GNG2: variants seen among roughly 807,000 people sequenced by gnomAD.
GNG2 encodes G protein subunit gamma 2, also known as guanine nucleotide-binding protein G(I)/G(S)/G(O) subunit gamma-2.
In GNG2, 5 loss-of-function variants were observed where a neutral mutation model predicts 5.5. The ratio of observed to expected loss-of-function variants is 0.91; its 90% CI spans 0.48 to 1.92. The LOEUF is 1.92. GNG2 is among the 30% of genes most tolerant of loss of function. The pLI, the probability that GNG2 is intolerant of heterozygous loss-of-function variation, is 0.01. For synonymous variants in GNG2, 28 were observed against 32.0 expected, an observed-to-expected ratio of 0.88 and a Z score of 0.42; for missense variants, 55 against 88.4, an observed-to-expected ratio of 0.62 and a Z score of 1.52.
intron 1 of GNG2, among the ~76,000 whole-genome samples, chr14:51,873,395 G>C (rs140612745): frequency 2.5e-4 from 38 of 152,338 alleles, no homozygotes; most frequent in East Asian, 3.9e-4. Flanking sequence ...AAAAGCAAGA[G>C]GGGGAGAGAA....
At chr14:51,864,939 C>T (rs1416156209) in intron 1 of GNG2, among the ~76,000 whole-genome samples, 1 of 152,042 alleles carries the variant, frequency 6.6e-6, no homozygotes, top group Non-Finnish European at 1.5e-5. Context: ...ATAATGAATC[C>T]TCTGTTTCCT....
chr14:51,886,315 A>C (rs779065495), intron 2 of GNG2, among the ~76,000 whole-genome samples: 7 of 152,168 alleles, frequency 4.6e-5, no homozygotes, highest in Non-Finnish European at 8.8e-5. Context: ...GCCAGTGAGC[A>C]CTGGTGTGAG....
At chr14:51,841,395 C>T in intron 2 of GNG2, 2 of 546,654 alleles carry the variant, frequency 3.7e-6, no homozygotes, top group South Asian at 5.2e-5. Context: ...TTAGAGGCTG[C>T]ACCAAACAAA....
At chr14:51,935,021 CTTTCTTTTTTT>C (rs1887896956) in intron 2 of GNG2, among the ~76,000 whole-genome samples, 1 of 111,302 alleles carries the variant, frequency 9.0e-6, no homozygotes. Context: ...AGCCCAGTTT[CTTTCTTTTTTT>C]TTTTTTTTTG....
intron 2 of GNG2, among the ~76,000 whole-genome samples, chr14:51,931,908 T>C (rs1323157753): frequency 1.3e-5 from 2 of 152,146 alleles, no homozygotes; most frequent in Non-Finnish European, 2.9e-5. Context: ...CTGTTCACTA[T>C]AGCCAGGAGG....
At chr14:51,843,202 T>C (rs1406133060) in intron 2 of GNG2, among the ~76,000 whole-genome samples, 1 of 152,198 alleles carries the variant, frequency 6.6e-6, no homozygotes, top group African/African-American at 2.4e-5. Context: ...TCTATATTAA[T>C]GCAAATATAC....
chr14:51,864,659 A>G (rs1882750455), intron 1 of GNG2, among the ~76,000 whole-genome samples: 1 of 152,200 alleles, frequency 6.6e-6, no homozygotes, highest in Admixed American at 6.5e-5. Context: ...TCTGCTGGTC[A>G]AATCTCAGAC....
At chr14:51,836,795 TA>T (rs1347222254) in intron 2 of GNG2, among the ~76,000 whole-genome samples, 2 of 150,922 alleles carry the variant, frequency 1.3e-5, no homozygotes, top group African/African-American at 4.8e-5. Context: ...AACCTATCAC[TA>T]AAAGTTTGTT....
intron 2 of GNG2, among the ~76,000 whole-genome samples, chr14:51,906,468 T>A (rs930249665): frequency 6.6e-6 from 1 of 152,234 alleles, no homozygotes; most frequent in African/African-American, 2.4e-5. Flanking sequence ...AATGCCATTA[T>A]ATCTTAGTGA....
Position 51,940,900 on chromosome 14 carries a change from T to G in GNG2, c.-29-9750T>G, listed in dbSNP as rs553860834. 7.2e-5 allele frequency among the ~76,000 whole-genome samples: 11 copies of G among 152,316 alleles called. No individual in the cohort carries two copies. In the East Asian group the frequency reaches 2.1e-3, roughly 29 times the overall value. On this transcript the variant is annotated intron_variant, in intron 2 of 3. Coordinates refer to ENST00000556766, the MANE Select transcript of GNG2 (RefSeq NM_053064.5). ...TTTGCAATTATTACTTGATTCACAA[T>G]TCACATTGCAGCCACTATTGATAAG... is the stretch of plus-strand genomic sequence containing the variant.
chr14:51,950,280 G>T (rs964038065), intron 2 of GNG2, among the ~76,000 whole-genome samples: 2 of 152,170 alleles, frequency 1.3e-5, no homozygotes, highest in Admixed American at 1.3e-4. Flanking sequence ...TTACAGCAAT[G>T]CTGGATTAAG....
At chr14:51,959,911 C>T (rs1446969096) in intron 3 of GNG2, among the ~76,000 whole-genome samples, 1 of 152,132 alleles carries the variant, frequency 6.6e-6, no homozygotes, top group Non-Finnish European at 1.5e-5. Flanking sequence ...TCTCACCATT[C>T]TCCCACTCAA....
intron 2 of GNG2, chr14:51,914,175 T>C: frequency 1.4e-6 from 1 of 701,618 alleles, no homozygotes; most frequent in South Asian, 1.5e-5. Context: ...GGCTCTTGAG[T>C]ATGTCTGCCA....
chr14:51,879,707 T>C (rs1883915704), intron 2 of GNG2, among the ~76,000 whole-genome samples: 1 of 152,192 alleles, frequency 6.6e-6, no homozygotes, highest in Non-Finnish European at 1.5e-5. Context: ...CATAGTCCCA[T>C]CTTCTTAATT....
At chr14:51,826,239 G>C (rs528555259) in intron 1 of GNG2, 3 of 152,084 alleles carry the variant, frequency 2.0e-5, no homozygotes, top group African/African-American at 7.2e-5. Context: ...AGGTACTGTG[G>C]CCCTTCCTAT....
At chr14:51,902,487 A>G (rs1885632136) in intron 2 of GNG2, among the ~76,000 whole-genome samples, 1 of 152,254 alleles carries the variant, frequency 6.6e-6, no homozygotes, top group Admixed American at 6.5e-5. Flanking sequence ...ATGTTAATTA[A>G]TTGAATGAAT....
chr14:51,929,024 TTATC>T (rs1471759378), intron 2 of GNG2, among the ~76,000 whole-genome samples: 4 of 152,232 alleles, frequency 2.6e-5, no homozygotes, highest in African/African-American at 4.8e-5. Context: ...GTTCTGTCGT[TTATC>T]TATATGTGAA....
intron 2 of GNG2, among the ~76,000 whole-genome samples, chr14:51,920,747 C>G (rs906464834): frequency 2.0e-5 from 3 of 152,100 alleles, no homozygotes; most frequent in Admixed American, 1.3e-4. Flanking sequence ...GTGGAAGATG[C>G]CTTCACCATG....
At chr14:51,930,763 GCTT>G (rs1887609908) in intron 2 of GNG2, among the ~76,000 whole-genome samples, 1 of 152,192 alleles carries the variant, frequency 6.6e-6, no homozygotes, top group Non-Finnish European at 1.5e-5. Flanking sequence ...GCCAGTATCT[GCTT>G]CTTGTGAGGG....
Sources: allele counts gnomAD v4.1 joint callset (sites outside exome capture counted in the v4.1 genomes callset), GRCh38; gene constraint gnomAD v4.1.1; transcripts MANE v1.5; gene names NCBI Gene and HGNC (gene_info 2026-07-23, HGNC 2026-07-21).